RPS6KA5: variants seen among roughly 807,000 people sequenced by gnomAD.
RPS6KA5 encodes the protein ribosomal protein S6 kinase alpha-5.
Under a neutral mutation model 85.5 loss-of-function variants are expected in RPS6KA5, and 27 were observed. The ratio of observed to expected loss-of-function variants is 0.32; its 90% CI spans 0.23 to 0.44. The LOEUF (loss-of-function observed/expected upper bound fraction) is 0.44, where lower values mean the gene tolerates loss of function less well. Ranked by LOEUF, RPS6KA5 falls within the 20% of genes least tolerant of loss-of-function variation. RPS6KA5 has a pLI of 1.00. For missense variants in RPS6KA5, 811 were observed against 980.9 expected (o/e 0.83, Z 2.31); for synonymous variants, 334 against 348.2 (o/e 0.96, Z 0.46).
At chr14:90,943,004 T>C (rs987813277) in intron 5 of RPS6KA5, 74 bp downstream of exon 5, 1 of 877,774 alleles carries the variant, frequency 1.1e-6, no homozygotes, top group African/African-American at 1.7e-5. Context: ...TTCTGCTAAA[T>C]GTTTATTCTA....
At chr14:90,997,024 A>T (rs1317714421) in intron 2 of RPS6KA5, among the ~76,000 whole-genome samples, 1 of 152,236 alleles carries the variant, frequency 6.6e-6, no homozygotes, top group Non-Finnish European at 1.5e-5. Flanking sequence ...ACATGCCAAG[A>T]CACTATGAAC....
At chr14:90,969,045 G>A (rs554454716) in intron 3 of RPS6KA5, among the ~76,000 whole-genome samples, 25 of 152,222 alleles carry the variant, frequency 1.6e-4, no homozygotes, top group African/African-American at 6.0e-4. Context: ...CTTGGATTCA[G>A]AATAGCAAGC....
chr14:91,028,847 C>T (rs913168423), intron 1 of RPS6KA5, among the ~76,000 whole-genome samples: 39 of 152,196 alleles, frequency 2.6e-4, no homozygotes, highest in African/African-American at 8.2e-4. Flanking sequence ...CACTAATATA[C>T]ACGCACATGG....
chr14:90,915,814 A>AAAATAAAT (rs142811191), intron 7 of RPS6KA5, among the ~76,000 whole-genome samples: 1 of 151,730 alleles, frequency 6.6e-6, no homozygotes, highest in Non-Finnish European at 1.5e-5. Context: ...CAACATTAAA[A>AAAATAAAT]AAATAAATAA....
intron 1 of RPS6KA5, among the ~76,000 whole-genome samples, chr14:91,045,480 T>C (rs987328696): frequency 6.6e-5 from 10 of 152,178 alleles, no homozygotes; most frequent in African/African-American, 2.4e-4. Flanking sequence ...GCCAGGCTGG[T>C]CTCGAATCTC....
Position 90,958,623 on chromosome 14 carries a change from T to C in RPS6KA5, c.395-11073A>G, listed in dbSNP as rs1178237143. Among the ~76,000 whole-genome samples, 6 of 152,158 alleles carry C rather than the reference T, an allele frequency of 3.9e-5. 1 individual carries two copies. In the South Asian group the frequency reaches 8.3e-4, roughly 21 times the overall value. The stretch of plus-strand genomic sequence containing the variant: ...TCTAAATCTGTGTTTTAAAAGAATA[T>C]ATCTTCCTAAGGTTTGTTCATTTTA... On this transcript the variant is annotated intron_variant, in intron 3 of 16. Coordinates refer to ENST00000614987, the MANE Select transcript of RPS6KA5 (RefSeq NM_004755.4).
chr14:90,923,383 C>T lies in RPS6KA5; in HGVS notation c.619-187G>A. ...CATAATATGAGTCCTGGGTATATGTCATCCCATCCCATCAGAAAGACTTCT... is the reference window on the plus strand; with the variant it reads ...CATAATATGAGTCCTGGGTATATGTTATCCCATCCCATCAGAAAGACTTCT... On this transcript the variant is annotated intron_variant, in intron 5 of 16. Coordinates refer to ENST00000614987, the MANE Select transcript of RPS6KA5 (RefSeq NM_004755.4). The T allele has an allele frequency of 7.4e-6, 4 of 540,486 alleles. No homozygotes were observed. In the Admixed American group the frequency reaches 1.0e-4, roughly 14 times the overall value. The allele number at this position is 540,486 out of a possible 1,614,324, so 33.5% of individuals were successfully genotyped here.
In RPS6KA5 at chr14:90,851,281, A is replaced by C. The variant is rs2031986869; in HGVS notation, c.*20793T>G. The C allele has an allele frequency of 6.6e-6, 1 of 151,962 alleles. No individual in the cohort carries two copies. The highest frequency in any genetic ancestry group is 2.1e-4 in the South Asian group (1 of 4,820). The allele number at this position is 151,962 out of a possible 1,614,324, so 9.4% of individuals were successfully genotyped here. A position where few individuals can be genotyped will look rare whatever the true frequency, so the allele number is the denominator to read the frequency against. ...TCTTGATCTCCTGACCTCGTGATCC[A>C]CCCTCCTCAGCCTCCCAAAGTGCTG... On this transcript the variant is annotated 3_prime_UTR_variant, in exon 17 of 17. Coordinates refer to ENST00000614987, the MANE Select transcript of RPS6KA5 (RefSeq NM_004755.4).
chr14:90,956,165 G>A (rs2038497245), intron 3 of RPS6KA5, among the ~76,000 whole-genome samples: 2 of 152,100 alleles, frequency 1.3e-5, no homozygotes, highest in Non-Finnish European at 2.9e-5. Flanking sequence ...TTGAACATCT[G>A]AAGTTTTTTT....
chr14:91,049,699 TAAC>T (rs2042995720), intron 1 of RPS6KA5, among the ~76,000 whole-genome samples: 1 of 152,208 alleles, frequency 6.6e-6, no homozygotes. Flanking sequence ...ATGCGTTGCT[TAAC>T]AATGAGAACA....
At chr14:91,032,980 T>C (rs1360840192) in intron 1 of RPS6KA5, among the ~76,000 whole-genome samples, 1 of 151,420 alleles carries the variant, frequency 6.6e-6, no homozygotes, top group Admixed American at 6.6e-5. Context: ...GACCAGGAGA[T>C]TGAGACCATC....
At chr14:91,030,629 A>AAAAAAAAAAAAAAAG in intron 1 of RPS6KA5, among the ~76,000 whole-genome samples, 1 of 142,462 alleles carries the variant, frequency 7.0e-6, no homozygotes, top group African/African-American at 2.5e-5. Context: ...AAAAAAAAAA[A>AAAAAAAAAAAAAAAG]AAAAAAAAAA....
intron 12 of RPS6KA5, 68 bp downstream of exon 12, chr14:90,899,261 G>T: frequency 9.1e-7 from 1 of 1,094,630 alleles, no homozygotes; most frequent in South Asian, 1.4e-5. Context: ...CCAACAAAAC[G>T]CGTGAAAAGT....
chr14:90,889,533 T>C (rs1461140686), intron 14 of RPS6KA5, among the ~76,000 whole-genome samples: 2 of 152,078 alleles, frequency 1.3e-5, no homozygotes, highest in African/African-American at 4.8e-5. Flanking sequence ...AAGTTGTGCA[T>C]ACCCTTCTTC....
chr14:91,058,086 A>G (rs2043397287), intron 1 of RPS6KA5, among the ~76,000 whole-genome samples: 1 of 152,226 alleles, frequency 6.6e-6, no homozygotes, highest in Non-Finnish European at 1.5e-5. Context: ...TATCAGATCA[A>G]ATTACTCTGG....
In RPS6KA5 at chr14:90,855,051, C is replaced by G. The variant is rs1174305219; in HGVS notation, c.*17023G>C. ...TTTCATCTCTTTGCTTTGCCAGGAA[C>G]AAAGTTTCAAGTGATATCTCCATCA... On this transcript the variant is annotated 3_prime_UTR_variant, in exon 17 of 17. Coordinates refer to ENST00000614987, the MANE Select transcript of RPS6KA5 (RefSeq NM_004755.4). 1 of 152,050 alleles carries G rather than the reference C, an allele frequency of 6.6e-6. No homozygotes were observed. The highest frequency in any genetic ancestry group is 6.6e-5 in the Admixed American group (1 of 15,264). The allele number at this position is 152,050 out of a possible 1,614,324, so 9.4% of individuals were successfully genotyped here.
chr14:90,906,564 A>C (rs768141169), intron 7 of RPS6KA5, among the ~76,000 whole-genome samples: 1 of 152,190 alleles, frequency 6.6e-6, no homozygotes, highest in Non-Finnish European at 1.5e-5. Context: ...TAACATCCCA[A>C]ATATTTCACT....
At chr14:90,906,749 C>T (rs1289245463) in intron 7 of RPS6KA5, among the ~76,000 whole-genome samples, 1 of 152,008 alleles carries the variant, frequency 6.6e-6, no homozygotes, top group Non-Finnish European at 1.5e-5. Context: ...TCCTCTTCCC[C>T]TGAGTGCCAG....
intron 7 of RPS6KA5, among the ~76,000 whole-genome samples, chr14:90,910,694 T>G (rs1985146): frequency 1.3e-5 from 2 of 149,242 alleles, no homozygotes; most frequent in South Asian, 2.1e-4. Flanking sequence ...TATTTTTTTT[T>G]TTTTTTTTTG....
Sources: gnomAD v4.1 joint callset for allele counts (sites outside exome capture counted in the v4.1 genomes callset) on GRCh38, gnomAD v4.1.1 for gene constraint, MANE v1.5 for transcripts, NCBI Gene and HGNC (gene_info 2026-07-23, HGNC 2026-07-21) for gene names.